The following SEC14L1 variants were observed in gnomAD, a reference collection of about 807,000 sequenced individuals.
The protein encoded by SEC14L1 is SEC14 like lipid binding 1.
Under a neutral mutation model 85.3 loss-of-function variants are expected in SEC14L1, and 48 were observed. That is an observed-to-expected ratio of 0.56 (90% confidence interval 0.45 to 0.72). SEC14L1 has a LOEUF of 0.72. Among genes scored for constraint, SEC14L1 ranks in the 30% least tolerant of loss-of-function variants. SEC14L1 has a pLI of 0.00. For synonymous variants in SEC14L1, 391 were observed against 355.5 expected (o/e 1.10, Z -1.12); for missense variants, 682 against 921.4 (o/e 0.74, Z 3.36).
At chr17:77,133,978 GT>G (rs1374009003) in intron 3 of SEC14L1, among the ~76,000 whole-genome samples, 1 of 149,534 alleles carries the variant, frequency 6.7e-6, no homozygotes, top group African/African-American at 2.5e-5. Flanking sequence ...GAGGGGCACA[GT>G]CACGGTGTTT....
In SEC14L1 at chr17:77,216,454, G is replaced by A. The variant is rs115787852; in HGVS notation, c.*2431G>A. 300 of 1,604,318 alleles carry A rather than the reference G, an allele frequency of 1.9e-4. 1 individual carries two copies. In the African/African-American group the frequency reaches 2.9e-3, roughly 16 times the overall value. On this transcript the variant is annotated 3_prime_UTR_variant, in exon 17 of 17. Coordinates refer to ENST00000436233, the MANE Select transcript of SEC14L1 (RefSeq NM_001143998.2). ...AGGGTTCGTAGGTAGGGTTAGTAGC[G>A]CGTCTGTGCTGCTTCCACCTGGTGC...
rs142224805 is a variant in SEC14L1 at position 77,109,817 on chromosome 17, T to C, written c.-136+16470T>C. Among the ~76,000 whole-genome samples the C allele has an allele frequency of 7.8e-4, 119 of 152,340 alleles. 1 individual carries two copies. Among genetic ancestry groups the C allele is most frequent in the Admixed American group, 1.3e-3 (20 of 15,292 alleles). Reference sequence around the variant, plus strand: ...TTAGCATCTACTCATTTCCAGCCACTAGAGTCCCCAGCCTCACCACAGTTT... The same window carrying C: ...TTAGCATCTACTCATTTCCAGCCACCAGAGTCCCCAGCCTCACCACAGTTT... On this transcript the variant is annotated intron_variant, in intron 3 of 19. Transcript: ENST00000392476.
chr17:77,143,992 A>AGT (rs1973166586), intron 3 of SEC14L1: 1 of 231,280 alleles, frequency 4.3e-6, no homozygotes, highest in Non-Finnish European at 8.5e-6. Flanking sequence ...AGGGACATGG[A>AGT]GTGTGGTCTT....
intron 3 of SEC14L1, among the ~76,000 whole-genome samples, chr17:77,188,211 A>G (rs1975357611): frequency 6.6e-6 from 1 of 152,250 alleles, no homozygotes; most frequent in East Asian, 1.9e-4. Flanking sequence ...CAGCACAGTC[A>G]GGATGCTGCC....
At chr17:77,149,434 G>A (rs545496980) in intron 3 of SEC14L1, among the ~76,000 whole-genome samples, 2 of 152,322 alleles carry the variant, frequency 1.3e-5, no homozygotes, top group African/African-American at 4.8e-5. Context: ...TGTCTGTAGT[G>A]CAGTTACTTG....
chr17:77,191,799 A>ATT (rs761604582), intron 5 of SEC14L1, among the ~76,000 whole-genome samples: 2 of 130,384 alleles, frequency 1.5e-5, no homozygotes, highest in Non-Finnish European at 3.3e-5. Flanking sequence ...CCTTGGCCTA[A>ATT]TTTTTTTTTT....
intron 3 of SEC14L1, chr17:77,185,468 C>A: frequency 1.3e-6 from 1 of 798,588 alleles, no homozygotes; most frequent in Non-Finnish European, 1.5e-6. Flanking sequence ...GGTTGAAATT[C>A]AAGGTGAGGC....
At chr17:77,182,858 C>A (rs1223530171) in intron 3 of SEC14L1, among the ~76,000 whole-genome samples, 1 of 152,248 alleles carries the variant, frequency 6.6e-6, no homozygotes, top group Admixed American at 6.5e-5. Flanking sequence ...AATAGAGAAG[C>A]TTTCCAGAAA....
chr17:77,196,149 GA>G, intron 7 of SEC14L1, 52 bp from the exon 8 acceptor site: 1 of 1,407,170 alleles, frequency 7.1e-7, no homozygotes, highest in African/African-American at 1.4e-5. Flanking sequence ...AAGACTTTGG[GA>G]GCCTAAAGCT....
At chr17:77,190,562 G>T (rs1273197605) in intron 3 of SEC14L1, among the ~76,000 whole-genome samples, 2 of 152,166 alleles carry the variant, frequency 1.3e-5, no homozygotes, top group African/African-American at 4.8e-5. Flanking sequence ...GTCTTGCTGG[G>T]GTTTTGTTAG....
chr17:77,188,626 G>A (rs76380067), intron 3 of SEC14L1, among the ~76,000 whole-genome samples: 1,836 of 152,184 alleles, frequency 0.012, 23 homozygotes, highest in South Asian at 0.047. Flanking sequence ...GGTTTTGTGC[G>A]AACATAAGCT....
chr17:77,208,623 A>G (rs1450758353), intron 13 of SEC14L1, among the ~76,000 whole-genome samples: 1 of 152,176 alleles, frequency 6.6e-6, no homozygotes, highest in African/African-American at 2.4e-5. Context: ...GGAGGTTACT[A>G]ACCAGCGGGC....
intron 1 of SEC14L1, chr17:77,141,461 G>C (rs1055251745): frequency 1.3e-5 from 2 of 150,578 alleles, no homozygotes; most frequent in African/African-American, 4.9e-5. Context: ...CTTTGGCCCC[G>C]TGGGGCTCAG....
intron 3 of SEC14L1, chr17:77,185,091 TC>T: frequency 4.4e-6 from 2 of 457,918 alleles, no homozygotes; most frequent in Non-Finnish European, 5.7e-6. Context: ...GCAGGACTTA[TC>T]TTTTTATTGA....
chr17:77,124,974 CTATTAT>C lies in SEC14L1; in HGVS notation c.-135-17652_-135-17647del, dbSNP rs10569580. The stretch of plus-strand genomic sequence containing the variant: ...TAGAACATAAGAATAAGTGGATTTA[CTATTAT>C]TATTATTATTATTATTATTTTTATT... On this transcript the variant is annotated intron_variant, in intron 3 of 19. Coordinates refer to the SEC14L1 transcript ENST00000392476. 2.6e-4 allele frequency among the ~76,000 whole-genome samples: 23 copies of C among 87,436 alleles called. 1 individual carries two copies. The highest frequency in any genetic ancestry group is 7.1e-4 in the South Asian group (2 of 2,828). The allele number at this position is 87,436 out of a possible 152,430, so 57.4% of individuals were successfully genotyped here. A position where few individuals can be genotyped will look rare whatever the true frequency, so the allele number is the denominator to read the frequency against.
At chr17:77,128,395 ATT>A (rs1972512781) in intron 3 of SEC14L1, among the ~76,000 whole-genome samples, 1 of 2,696 alleles carries the variant, frequency 3.7e-4, no homozygotes, top group Admixed American at 5.0e-3. Flanking sequence ...TGAGCATTTT[ATT>A]TTATTTTATT....
rs1174767583 is a variant in SEC14L1, at chr17:77,206,188, T to C, written c.1170-41T>C. The C allele has an allele frequency of 6.3e-7, 1 of 1,590,934 alleles. No individual in the cohort carries two copies. On this transcript the variant is annotated intron_variant, in intron 11 of 16. Coordinates refer to ENST00000436233, the MANE Select transcript of SEC14L1 (RefSeq NM_001143998.2). The surrounding 1 kb of genome is among the most constrained non-coding windows in gnomAD (Gnocchi z 4.3). ...AAAATAAGACACAGTTTGCTAAGTG[T>C]GCTGTCTGTTGAATGAAACACATCT...
Position 77,154,710 on chromosome 17 carries a change from T to A in SEC14L1, c.63+11051T>A, listed in dbSNP as rs1407696173. Among the ~76,000 whole-genome samples the A allele has an allele frequency of 2.6e-5, 4 of 152,114 alleles. No individual in the cohort carries two copies. The East Asian group carries it at 5.8e-4, about 22-fold the overall frequency. Reference sequence around the variant, plus strand: ...ATCAATATATGAAATAATTGCTATGTGTATCTTTATATGTACTGGATCCAT... The same window carrying A: ...ATCAATATATGAAATAATTGCTATGAGTATCTTTATATGTACTGGATCCAT... On this transcript the variant is annotated intron_variant, in intron 3 of 16. Coordinates refer to ENST00000436233, the MANE Select transcript of SEC14L1 (RefSeq NM_001143998.2).
At chr17:77,109,478 C>G (rs1448932247) in intron 3 of SEC14L1, among the ~76,000 whole-genome samples, 1 of 152,176 alleles carries the variant, frequency 6.6e-6, no homozygotes, top group Non-Finnish European at 1.5e-5. Flanking sequence ...AACTGGCCTC[C>G]TTGGGAAATT....
Sources: allele counts gnomAD v4.1 joint callset (sites outside exome capture counted in the v4.1 genomes callset), GRCh38; gene constraint gnomAD v4.1.1; non-coding constraint Gnocchi (gnomAD v3.1); transcripts MANE v1.5; gene names NCBI Gene and HGNC (gene_info 2026-07-23, HGNC 2026-07-21).